The following ZNF487 variants were observed in gnomAD, a reference collection of about 807,000 sequenced individuals.
The protein encoded by ZNF487 is zinc finger protein 487.
Under a neutral mutation model 3.0 loss-of-function variants are expected in ZNF487, and 4 were observed. That is an observed-to-expected ratio of 1.35 (90% confidence interval 0.66 to 3.08). The LOEUF (loss-of-function observed/expected upper bound fraction) is 3.08, where lower values mean the gene tolerates loss of function less well. Ranked by LOEUF, ZNF487 falls within the 30% of genes most tolerant of loss-of-function variation. The pLI is 0.01. For missense variants in ZNF487, 146 were observed against 98.7 expected (o/e 1.48, Z -2.03); for synonymous variants, 55 against 34.6 (o/e 1.59, Z -2.06).
chr10:43,505,685 G>T, the ZNF487 span, among the ~76,000 whole-genome samples: 1 of 149,804 alleles, frequency 6.7e-6, no homozygotes, highest in African/African-American at 2.5e-5. Context: ...CTCTTGTCAC[G>T]CAGGCTGAGT....
the ZNF487 span, among the ~76,000 whole-genome samples, chr10:43,517,793 G>C: frequency 1.3e-5 from 2 of 152,188 alleles, no homozygotes; most frequent in Non-Finnish European, 2.9e-5. Flanking sequence ...TGTGGGAGGG[G>C]TGGCTTTCTT....
chr10:43,440,743 G>C (rs1435598669), intron 1 of ZNF487, among the ~76,000 whole-genome samples: 1 of 150,826 alleles, frequency 6.6e-6, no homozygotes, highest in Non-Finnish European at 1.5e-5. Flanking sequence ...TCCCTCCTTT[G>C]CCCTAGGGTA....
intron 1 of ZNF487, among the ~76,000 whole-genome samples, chr10:43,466,536 G>T (rs1193543065): frequency 6.6e-6 from 1 of 150,852 alleles, no homozygotes. Flanking sequence ...CTGAGTAGCT[G>T]GGATTACAGG....
the ZNF487 span, among the ~76,000 whole-genome samples, chr10:43,499,996 G>T: frequency 3.7e-4 from 56 of 152,202 alleles, no homozygotes; most frequent in Non-Finnish European, 8.1e-4. Flanking sequence ...TGATTCTCCT[G>T]CCTCAGCCTC....
chr10:43,483,617 T>C (rs943135605), downstream of ZNF487, among the ~76,000 whole-genome samples: 3 of 152,142 alleles, frequency 2.0e-5, no homozygotes, highest in Non-Finnish European at 4.4e-5. Flanking sequence ...AACCTCCTCC[T>C]CCCGGGTTCA....
chr10:43,510,283 G>A, the ZNF487 span, among the ~76,000 whole-genome samples: 1 of 152,150 alleles, frequency 6.6e-6, no homozygotes, highest in Non-Finnish European at 1.5e-5. Context: ...CCTTCAGCAA[G>A]CACCTCAGCA....
At chr10:43,460,092 G>A (rs192708766) in intron 1 of ZNF487, among the ~76,000 whole-genome samples, 1,568 of 151,808 alleles carry the variant, frequency 0.01, 5 homozygotes, top group Middle Eastern at 0.034. Context: ...ATGAGCCACC[G>A]TGCCCGGCCG....
chr10:43,437,548 A>G (rs1284241571), intron 1 of ZNF487, among the ~76,000 whole-genome samples: 1 of 151,772 alleles, frequency 6.6e-6, no homozygotes, highest in Non-Finnish European at 1.5e-5. Flanking sequence ...TGGACCTAGG[A>G]GGCATGAGAG....
chr10:43,478,810 G>T (rs764639562), intron 3 of ZNF487, among the ~76,000 whole-genome samples: 1 of 151,448 alleles, frequency 6.6e-6, no homozygotes, highest in Non-Finnish European at 1.5e-5. Context: ...GAATATAAAT[G>T]ATATATGGTC....
At chr10:43,464,850 T>A (rs1840604936) in intron 1 of ZNF487, among the ~76,000 whole-genome samples, 1 of 152,158 alleles carries the variant, frequency 6.6e-6, no homozygotes, top group African/African-American at 2.4e-5. Context: ...AAAACCGCCA[T>A]CGTCATCATG....
chr10:43,523,769 A>G, the ZNF487 span: 1 of 152,192 alleles, frequency 6.6e-6, no homozygotes, highest in Non-Finnish European at 1.5e-5. Context: ...CTGACAATCC[A>G]AACCTCCTTG....
At chr10:43,469,041 G>A (rs1589043713) in intron 1 of ZNF487, among the ~76,000 whole-genome samples, 1 of 148,918 alleles carries the variant, frequency 6.7e-6, no homozygotes, top group East Asian at 2.0e-4. Flanking sequence ...GTCAATCAGT[G>A]TGGCAGACTT....
chr10:43,495,131 T>G, the ZNF487 span, among the ~76,000 whole-genome samples: 1 of 151,902 alleles, frequency 6.6e-6, no homozygotes. Context: ...TTAATATAGC[T>G]CTATCCTTTC....
chr10:43,487,625 A>G (rs1428001616), downstream of ZNF487, among the ~76,000 whole-genome samples: 1 of 149,348 alleles, frequency 6.7e-6, no homozygotes, highest in Non-Finnish European at 1.5e-5. Context: ...AATTTTTTGT[A>G]TTTTTAGTAG....
the ZNF487 span, among the ~76,000 whole-genome samples, chr10:43,491,310 G>A: frequency 6.6e-6 from 1 of 151,618 alleles, no homozygotes; most frequent in African/African-American, 2.4e-5. Flanking sequence ...TTTAGTGCAG[G>A]TTGCTAATTT....
chr10:43,517,098 T>C, the ZNF487 span, among the ~76,000 whole-genome samples: 1 of 152,184 alleles, frequency 6.6e-6, no homozygotes, highest in African/African-American at 2.4e-5. Context: ...GAGAAGATAC[T>C]TTTGACACAC....
At chr10:43,495,387 G>A in the ZNF487 span, among the ~76,000 whole-genome samples, 2 of 152,014 alleles carry the variant, frequency 1.3e-5, no homozygotes, top group Non-Finnish European at 1.5e-5. Flanking sequence ...GGGATTACAG[G>A]TGTATGCCGC....
At chr10:43,505,571 C>T in the ZNF487 span, among the ~76,000 whole-genome samples, 1 of 152,014 alleles carries the variant, frequency 6.6e-6, no homozygotes, top group Non-Finnish European at 1.5e-5. Context: ...GTGTGAGCCA[C>T]CACGCCTGGT....
At position 43,444,661 on chromosome 10, in the gene ZNF487, C is replaced by T. The variant is rs1016521529; in HGVS notation, c.-94+7399C>T. 2.0e-5 allele frequency among the ~76,000 whole-genome samples: 3 copies of T among 152,208 alleles called. No homozygotes were observed. In the South Asian group the frequency reaches 6.2e-4, roughly 32 times the overall value. ...CTCAGCTCACTGCAACCTCTGCCTCCGGGCTCAGGTCAGCCTCTCATCTCA... is the reference window on the plus strand; with the variant it reads ...CTCAGCTCACTGCAACCTCTGCCTCTGGGCTCAGGTCAGCCTCTCATCTCA... On this transcript the variant is annotated intron_variant, in intron 1 of 3. Transcript: ENST00000437590.
Sources: allele counts gnomAD v4.1 joint callset (sites outside exome capture counted in the v4.1 genomes callset), GRCh38; gene constraint gnomAD v4.1.1; transcripts MANE v1.5; gene names NCBI Gene and HGNC (gene_info 2026-07-23, HGNC 2026-07-21).